Variants in TRIM62 observed in about 807,000 individuals in gnomAD.
TRIM62 encodes E3 ubiquitin-protein ligase TRIM62.
In TRIM62, 39 loss-of-function variants were observed where a neutral mutation model predicts 44.2. The ratio of observed to expected loss-of-function variants is 0.88; its 90% CI spans 0.68 to 1.15. The LOEUF (loss-of-function observed/expected upper bound fraction) is 1.15, where lower values mean the gene tolerates loss of function less well. TRIM62 is among the 50% of genes most tolerant of loss of function. The pLI is 0.00. For missense variants in TRIM62, 544 were observed against 665.5 expected, an observed-to-expected ratio of 0.82 and a Z score of 2.01; for synonymous variants, 278 against 292.3, an observed-to-expected ratio of 0.95 and a Z score of 0.50.
chr1:33,165,408 C>A lies in TRIM62; in HGVS notation c.504+63G>T. On this transcript the variant is annotated intron_variant, in intron 2 of 4. Coordinates refer to ENST00000291416, the MANE Select transcript of TRIM62 (RefSeq NM_018207.3). The surrounding 1 kb of genome is among the most constrained non-coding windows in gnomAD (Gnocchi z 4.0). ...CCCCGCCCCTCTTCCCCAGCTGGCC[C>A]CGCCCCTCGAAGCCCTGCCCTCATC... 6.9e-7 allele frequency: 1 copy of A among 1,451,100 alleles called. No individual in the cohort carries two copies. The allele number at this position is 1,451,100 out of a possible 1,614,324, so 89.9% of individuals were successfully genotyped here.
In TRIM62 at chr1:33,146,122, G is replaced by A; in HGVS notation, c.*1055C>T. 3.8e-6 allele frequency: 1 copy of A among 263,466 alleles called. No homozygotes were observed. The highest frequency in any genetic ancestry group is 7.6e-6 in the Non-Finnish European group (1 of 131,582). 16.3% of individuals were successfully genotyped at this position (263,466 alleles called of 1,614,324 possible). ...ACAGACATGATGAATCTGGCGCTGG[G>A]AGTTCCTGGAAATTCAGCAGAGTCT... On this transcript the variant is annotated 3_prime_UTR_variant, in exon 5 of 5. Coordinates refer to ENST00000291416, the MANE Select transcript of TRIM62 (RefSeq NM_018207.3).
chr1:33,154,798 C>CA (rs1362647592), intron 4 of TRIM62, among the ~76,000 whole-genome samples: 1,574 of 102,762 alleles, frequency 0.015, 21 homozygotes, highest in African/African-American at 0.05. Context: ...ACTCCGTATC[C>CA]AAAAAAAAAA....
At chr1:33,158,160 C>T in intron 4 of TRIM62, 93 bp downstream of exon 4, 2 of 1,178,928 alleles carry the variant, frequency 1.7e-6, no homozygotes, top group South Asian at 1.3e-5. Flanking sequence ...TGCTCATTCA[C>T]CCCAACTGCC....
rs1645029728 is a variant in TRIM62 at position 33,147,100 on chromosome 1, C to G, written c.*77G>C. ...TCCAGTGGCCACGGTGGGCTGGAGTCCAGGTCTTCTATCTCCTGGGCAGGG... is the reference window on the plus strand; with the variant it reads ...TCCAGTGGCCACGGTGGGCTGGAGTGCAGGTCTTCTATCTCCTGGGCAGGG... On this transcript the variant is annotated 3_prime_UTR_variant, in exon 5 of 5. Transcript: ENST00000291416. This position sits in a 1 kb window ranked among gnomAD's most constrained non-coding sequence, Gnocchi z 8.1. 3.9e-6 allele frequency: 6 copies of G among 1,527,722 alleles called. No homozygotes were observed. Among genetic ancestry groups the G allele is most frequent in the Non-Finnish European group, 5.3e-6 (6 of 1,125,304 alleles). The allele number at this position is 1,527,722 out of a possible 1,614,324, so 94.6% of individuals were successfully genotyped here.
rs565674094 is a variant in TRIM62 at position 33,177,707 on chromosome 1, A to G, written c.408+3318T>C. Reference sequence around the variant, plus strand: ...TTTGCTACTGGCATCTAATGGGTAGAGGCCAGGAATGCTACCAGACTTCCT... The same window carrying G: ...TTTGCTACTGGCATCTAATGGGTAGGGGCCAGGAATGCTACCAGACTTCCT... On this transcript the variant is annotated intron_variant, in intron 1 of 4. Transcript: ENST00000291416. This position sits in a 1 kb window ranked among gnomAD's most constrained non-coding sequence, Gnocchi z 4.1. Among the ~76,000 whole-genome samples the G allele has an allele frequency of 2.5e-4, 38 of 152,260 alleles. No individual in the cohort carries two copies. In the South Asian group the frequency reaches 7.9e-3, roughly 32 times the overall value.
In TRIM62 at chr1:33,145,773, A is replaced by C; in HGVS notation, c.*1404T>G. The C allele has an allele frequency of 2.2e-6, 1 of 446,248 alleles. No individual in the cohort carries two copies. The highest frequency in any genetic ancestry group is 1.7e-5 in the South Asian group (1 of 59,348). The allele number at this position is 446,248 out of a possible 1,614,324, so 27.6% of individuals were successfully genotyped here. A position where few individuals can be genotyped will look rare whatever the true frequency, so the allele number is the denominator to read the frequency against. On this transcript the variant is annotated 3_prime_UTR_variant, in exon 5 of 5. Coordinates refer to ENST00000291416, the MANE Select transcript of TRIM62 (RefSeq NM_018207.3). ...AGGGGCAGGACAACCCTAGATGTGG[A>C]CTCCACCCTCTCCCGAGTTCTTCAC...
At chr1:33,174,918 T>TAC (rs56409929) in intron 1 of TRIM62, among the ~76,000 whole-genome samples, 18 of 137,380 alleles carry the variant, frequency 1.3e-4, no homozygotes, top group East Asian at 1.1e-3. Flanking sequence ...TATATATATA[T>TAC]ACACACACAC....
intron 4 of TRIM62, among the ~76,000 whole-genome samples, chr1:33,152,843 A>AG (rs1645120603): frequency 6.6e-6 from 1 of 152,128 alleles, no homozygotes; most frequent in African/African-American, 2.4e-5. Context: ...TCAGATTAGC[A>AG]GGGGGCGGGG....
intron 4 of TRIM62, among the ~76,000 whole-genome samples, chr1:33,148,709 A>G (rs927709880): frequency 1.3e-5 from 2 of 152,224 alleles, no homozygotes; most frequent in African/African-American, 4.8e-5. Flanking sequence ...GAAATTGTGA[A>G]AAGGTTACAC....
At chr1:33,154,528 G>A (rs943212831) in intron 4 of TRIM62, among the ~76,000 whole-genome samples, 4 of 152,102 alleles carry the variant, frequency 2.6e-5, no homozygotes, top group Admixed American at 2.0e-4. Context: ...GGCTGGGCGC[G>A]GTGGCTCACG....
In TRIM62 at chr1:33,151,511, A is replaced by G. The variant is rs368028230; in HGVS notation, c.878-3784T>C. Among the ~76,000 whole-genome samples, 7 of 152,252 alleles carry G rather than the reference A, an allele frequency of 4.6e-5. No individual in the cohort carries two copies. In the South Asian group the frequency reaches 1.2e-3, roughly 27 times the overall value. ...CAACCTTCAGACCAGAAAGGGACCT[A>G]GAAGGGGCATGGCAACACCCCTTCC... On this transcript the variant is annotated intron_variant, in intron 4 of 4. Transcript: ENST00000291416.
rs965407837 is a variant in TRIM62 at position 33,158,481 on chromosome 1, A to C, written c.762-113T>G. On this transcript the variant is annotated intron_variant, in intron 3 of 4. Transcript: ENST00000291416. Reference sequence around the variant, plus strand: ...GGCATAGGATGTGGTCATGAGTGAGAAGTCTGTGGGACTCAGATTCAAGTG... The same window carrying C: ...GGCATAGGATGTGGTCATGAGTGAGCAGTCTGTGGGACTCAGATTCAAGTG... 21 of 772,284 alleles carry C rather than the reference A, an allele frequency of 2.7e-5. No individual in the cohort carries two copies. The African/African-American group carries it at 3.2e-4, about 12-fold the overall frequency. 47.8% of individuals were successfully genotyped at this position (772,284 alleles called of 1,614,324 possible).
chr1:33,176,578 C>T, intron 1 of TRIM62: 1 of 559,264 alleles, frequency 1.8e-6, no homozygotes, highest in Non-Finnish European at 3.3e-6. Context: ...GCCACGTCTG[C>T]TCTGACCAAG....
In TRIM62 at chr1:33,181,573, G is replaced by T; in HGVS notation, c.-141C>A. 7.2e-7 allele frequency: 1 copy of T among 1,385,722 alleles called. No homozygotes were observed. Among genetic ancestry groups the T allele is most frequent in the South Asian group, 1.5e-5 (1 of 65,304 alleles). The allele number at this position is 1,385,722 out of a possible 1,614,324, so 85.8% of individuals were successfully genotyped here. On this transcript the variant is annotated 5_prime_UTR_variant, in exon 1 of 5. Transcript: ENST00000291416. This position sits in a 1 kb window ranked among gnomAD's most constrained non-coding sequence, Gnocchi z 6.5. The stretch of plus-strand genomic sequence containing the variant: ...GGGTAGGAGCTACCGGAGAAGGGAG[G>T]GGGTGCTGTCCGGAAGGAGGGTAAC...
chr1:33,165,299 C>T lies in TRIM62; in HGVS notation c.504+172G>A. ...GTGGGTGCCGCCCCATTGAACTTCA[C>T]GGATGCCCTACCCTCTTCCCCACCC... On this transcript the variant is annotated intron_variant, in intron 2 of 4. Coordinates refer to ENST00000291416, the MANE Select transcript of TRIM62 (RefSeq NM_018207.3). The surrounding 1 kb of genome is among the most constrained non-coding windows in gnomAD (Gnocchi z 4.0). 7.1e-6 allele frequency: 4 copies of T among 560,464 alleles called. No homozygotes were observed. Among genetic ancestry groups the T allele is most frequent in the Middle Eastern group, 4.8e-4 (1 of 2,066 alleles). The allele number at this position is 560,464 out of a possible 1,614,324, so 34.7% of individuals were successfully genotyped here. A position where few individuals can be genotyped will look rare whatever the true frequency, so the allele number is the denominator to read the frequency against.
chr1:33,180,918 AC>A, intron 1 of TRIM62, 106 bp downstream of exon 1: 1 of 608,516 alleles, frequency 1.6e-6, no homozygotes, highest in Non-Finnish European at 2.3e-6. Context: ...CCGCCCCAGG[AC>A]CATTCTGACT....
rs1335853920 is a variant in TRIM62 at position 33,181,776 on chromosome 1, G to C, written c.-344C>G. ...CAGTCCTAAGGGATAGGAGCTGGGA[G>C]AAGGGGATCCCGGAGCGGGGTGGAG... On this transcript the variant is annotated 5_prime_UTR_variant, in exon 1 of 5. Coordinates refer to ENST00000291416, the MANE Select transcript of TRIM62 (RefSeq NM_018207.3). This position sits in a 1 kb window ranked among gnomAD's most constrained non-coding sequence, Gnocchi z 6.5. 4.5e-6 allele frequency: 1 copy of C among 220,650 alleles called. No individual in the cohort carries two copies. The highest frequency in any genetic ancestry group is 8.9e-6 in the Non-Finnish European group (1 of 112,258). 13.7% of individuals were successfully genotyped at this position (220,650 alleles called of 1,614,324 possible). A position where few individuals can be genotyped will look rare whatever the true frequency, so the allele number is the denominator to read the frequency against.
In TRIM62 at chr1:33,161,878, C is replaced by T. The variant is rs944292340; in HGVS notation, c.505-1934G>A. On this transcript the variant is annotated intron_variant, in intron 2 of 4. Coordinates refer to ENST00000291416, the MANE Select transcript of TRIM62 (RefSeq NM_018207.3). This position sits in a 1 kb window ranked among gnomAD's most constrained non-coding sequence, Gnocchi z 4.3. ...CTGTGACTGCTGCCTCTCTGCCTCC[C>T]ATGTTCCTCGGGGCTCATCCAGGTC... Among the ~76,000 whole-genome samples the T allele has an allele frequency of 6.6e-6, 1 of 152,186 alleles. No homozygotes were observed. Among genetic ancestry groups the T allele is most frequent in the African/African-American group, 2.4e-5 (1 of 41,432 alleles).
chr1:33,179,252 G>A (rs1645443279), intron 1 of TRIM62, among the ~76,000 whole-genome samples: 1 of 152,260 alleles, frequency 6.6e-6, no homozygotes, highest in Admixed American at 6.5e-5. Context: ...CAGAGGCCCA[G>A]GCCCTTGCTC....
Sources: allele counts gnomAD v4.1 joint callset (sites outside exome capture counted in the v4.1 genomes callset), GRCh38; gene constraint gnomAD v4.1.1; non-coding constraint Gnocchi (gnomAD v3.1); transcripts MANE v1.5; gene names NCBI Gene and HGNC (gene_info 2026-07-23, HGNC 2026-07-21).